ABCC8: variants seen among roughly 807,000 people sequenced by gnomAD.
ABCC8 encodes the protein ATP binding cassette subfamily C member 8.
In ABCC8, 137 loss-of-function variants were observed where a neutral mutation model predicts 188.0. The ratio of observed to expected loss-of-function variants is 0.73; its 90% CI spans 0.63 to 0.84. The LOEUF (loss-of-function observed/expected upper bound fraction) is 0.84. Among genes scored for constraint, ABCC8 ranks in the 40% least tolerant of loss-of-function variants. The pLI is 0.00. For synonymous variants in ABCC8, 797 were observed against 846.5 expected, an observed-to-expected ratio of 0.94 and a Z score of 1.01; for missense variants, 1,750 against 2,072.7, an observed-to-expected ratio of 0.84 and a Z score of 3.02.
At chr11:17,393,860 C>T in intron 37 of ABCC8, 101 bp from the exon 38 acceptor site, 2 of 1,611,006 alleles carry the variant, frequency 1.2e-6, no homozygotes, top group Admixed American at 1.7e-5. Context: ...CAGCTCCCAT[C>T]TGACCCCGAT....
At chr11:17,438,092 C>T (rs549216425) in intron 10 of ABCC8, among the ~76,000 whole-genome samples, 1 of 152,120 alleles carries the variant, frequency 6.6e-6, no homozygotes, top group South Asian at 2.1e-4. Flanking sequence ...CAGAGTGAGA[C>T]TCCATCTCAA....
At position 17,427,139 on chromosome 11, in the gene ABCC8, A is replaced by G. The variant is rs1261024423; in HGVS notation, c.2132T>C (p.Ile711Thr). 6.2e-7 allele frequency: 1 copy of G among 1,613,314 alleles called. No homozygotes were observed. The highest frequency in any genetic ancestry group is 8.5e-7 in the Non-Finnish European group (1 of 1,179,686). ...CTTGCCGCAGCCCACCTGCCCCACG[A>G]TCATAGTCAGCTGGCCTGCAGGGAG... is the stretch of plus-strand genomic sequence containing the variant. The part of the protein sequence containing the change: ...IRIPRGQLTM[I>T]VGQVGCGKSS... The change falls in exon 16 of 39, where the codon ATC becomes ACC. Residue 711 changes from isoleucine to threonine, a missense_variant. Physicochemically the swap from Ile to Thr is moderately conservative, Grantham distance 89. Coordinates refer to ENST00000389817, the MANE Select transcript of ABCC8 (RefSeq NM_000352.6). The surrounding 1 kb of genome is among the most constrained non-coding windows in gnomAD (Gnocchi z 5.0).
At chr11:17,461,210 A>G (rs1035325619) in intron 5 of ABCC8, 7 of 370,006 alleles carry the variant, frequency 1.9e-5, no homozygotes, top group African/African-American at 1.5e-4. Context: ...TCAGGCCACT[A>G]ACACCCCTGC....
At chr11:17,439,241 C>T (rs1165722495) in intron 10 of ABCC8, among the ~76,000 whole-genome samples, 1 of 149,768 alleles carries the variant, frequency 6.7e-6, no homozygotes, top group Non-Finnish European at 1.5e-5. Context: ...TTTTCAGCCC[C>T]CTGTTTTATC....
intron 2 of ABCC8, among the ~76,000 whole-genome samples, chr11:17,473,646 G>A (rs1192385443): frequency 6.6e-6 from 1 of 152,144 alleles, no homozygotes; most frequent in East Asian, 1.9e-4. Context: ...TTCTTCCTTA[G>A]TGAGATGGCT....
Position 17,404,008 on chromosome 11 carries a change from G to A in ABCC8, c.3557+504C>T, listed in dbSNP as rs1954378564. Among the ~76,000 whole-genome samples the A allele has an allele frequency of 6.6e-6, 1 of 152,172 alleles. No homozygotes were observed. The highest frequency in any genetic ancestry group is 2.1e-4 in the South Asian group (1 of 4,820). On this transcript the variant is annotated intron_variant, in intron 28 of 38. Transcript: ENST00000389817. The surrounding 1 kb of genome is among the most constrained non-coding windows in gnomAD (Gnocchi z 4.7). The stretch of plus-strand genomic sequence containing the variant: ...AAAATTTTGAGGAGGAAAGAGGCGT[G>A]CATGGATCCAAAGCTCATGAGGGCA...
chr11:17,401,240 G>A (rs377083993), intron 29 of ABCC8, among the ~76,000 whole-genome samples: 10 of 152,208 alleles, frequency 6.6e-5, no homozygotes, highest in African/African-American at 1.9e-4. Flanking sequence ...TTGAAGGAAC[G>A]GGAGAAGTTC....
At chr11:17,417,343 A>C (rs2074315) in intron 16 of ABCC8, among the ~76,000 whole-genome samples, 51,130 of 151,982 alleles carry the variant, frequency 0.34, 9,699 homozygotes, top group African/African-American at 0.51. Context: ...TTGGGTCTGG[A>C]ATAAGTAGGC....
chr11:17,442,794 C>T lies in ABCC8; in HGVS notation c.1556G>A (p.Arg519His), dbSNP rs772142677. ...CCTGCGGGTCGTCTCCACCCGCGTG[C>T]GGAAGATGTTCTCCCAGGCGTACAG... ...LKLYAWENIF[R>H]TRVETTRRKE... The change falls in exon 10 of 39, where the codon CGC becomes CAC. Residue 519 changes from arginine to histidine, a missense_variant. Transcript: ENST00000389817. 7.4e-6 allele frequency: 12 copies of T among 1,613,974 alleles called. No individual in the cohort carries two copies. Among genetic ancestry groups the T allele is most frequent in the East Asian group, 2.2e-5 (1 of 44,886 alleles).
rs1211729166 is a variant in ABCC8, at chr11:17,404,022, C to A, written c.3557+490G>T. On this transcript the variant is annotated intron_variant, in intron 28 of 38. Coordinates refer to ENST00000389817, the MANE Select transcript of ABCC8 (RefSeq NM_000352.6). This position sits in a 1 kb window ranked among gnomAD's most constrained non-coding sequence, Gnocchi z 4.7. The stretch of plus-strand genomic sequence containing the variant: ...GAAAGAGGCGTGCATGGATCCAAAG[C>A]TCATGAGGGCAAATGTGATCCATGA... Among the ~76,000 whole-genome samples, 5 of 152,172 alleles carry A rather than the reference C, an allele frequency of 3.3e-5. No individual in the cohort carries two copies. In the East Asian group the frequency reaches 9.6e-4, roughly 29 times the overall value.
intron 30 of ABCC8, 66 bp downstream of exon 30, chr11:17,398,273 C>G (rs951841532): frequency 3.2e-6 from 5 of 1,579,920 alleles, no homozygotes; most frequent in Non-Finnish European, 4.3e-6. Flanking sequence ...TCCCCAGGTA[C>G]CTGTGTGCTC....
Position 17,397,772 on chromosome 11 carries a change from A to G in ABCC8, c.3779T>C (p.Leu1260Pro). The G allele has an allele frequency of 6.2e-6, 10 of 1,613,862 alleles. No individual in the cohort carries two copies. Among genetic ancestry groups the G allele is most frequent in the Non-Finnish European group, 8.5e-6 (10 of 1,179,998 alleles). ...RMEYIGACVV[L>P]IAAVTSISNS... ...GGAGATGGAGGTCACCGCTGCGATG[A>G]GCACCACACATGCACCGATGTACTC... The change falls in exon 31 of 39, where the codon CTC becomes CCC. Residue 1260 changes from leucine to proline, a missense_variant. Physicochemically the swap from Leu to Pro is moderately conservative, Grantham distance 98. Transcript: ENST00000389817.
In ABCC8 at chr11:17,464,221, T is replaced by G. The variant is rs375147710; in HGVS notation, c.413-617A>C. On this transcript the variant is annotated intron_variant, in intron 3 of 38. Coordinates refer to ENST00000389817, the MANE Select transcript of ABCC8 (RefSeq NM_000352.6). Reference sequence around the variant, plus strand: ...AGATGAGGAAACTGAGGCCCAGAAATAGGATGTGACCTTGCCCAAGTGCAC... The same window carrying G: ...AGATGAGGAAACTGAGGCCCAGAAAGAGGATGTGACCTTGCCCAAGTGCAC... Among the ~76,000 whole-genome samples the G allele has an allele frequency of 3.6e-4, 55 of 152,280 alleles. No individual in the cohort carries two copies. The Middle Eastern group carries it at 0.014, about 38-fold the overall frequency.
chr11:17,446,115 G>A (rs57156558), intron 8 of ABCC8, among the ~76,000 whole-genome samples: 3,633 of 151,994 alleles, frequency 0.024, 150 homozygotes, highest in African/African-American at 0.084. Flanking sequence ...ACAGGCACAC[G>A]CCATCATGCC....
At chr11:17,472,855 A>G (rs1247177904) in intron 2 of ABCC8, among the ~76,000 whole-genome samples, 1 of 151,950 alleles carries the variant, frequency 6.6e-6, no homozygotes, top group Admixed American at 6.6e-5. Context: ...CCATGCTCGA[A>G]TTTCACCCTC....
rs73423036 is a variant in ABCC8 at position 17,412,644 on chromosome 11, C to T, written c.2556+22G>A. On this transcript the variant is annotated intron_variant, in intron 21 of 38. Coordinates refer to ENST00000389817, the MANE Select transcript of ABCC8 (RefSeq NM_000352.6). ...CCTGGGAGGCAGCCAGAGACCAGGA[C>T]CCCAAGGGAACTTGCACTCACCAAG... 3,147 of 1,604,824 alleles carry T rather than the reference C, an allele frequency of 2.0e-3. 57 individuals are homozygous for T. The African/African-American group carries it at 0.033, about 17-fold the overall frequency.
chr11:17,461,887 C>T, intron 4 of ABCC8, 62 bp from the exon 5 acceptor site: 22 of 1,607,284 alleles, frequency 1.4e-5, no homozygotes, highest in Non-Finnish European at 1.9e-5. Flanking sequence ...CCCTACCTTG[C>T]CCCAGCAAGG....
At chr11:17,466,321 C>A (rs149275896) in intron 3 of ABCC8, among the ~76,000 whole-genome samples, 1,665 of 150,298 alleles carry the variant, frequency 0.011, 19 homozygotes, top group Middle Eastern at 0.041. Context: ...ATCGCTTGAA[C>A]CAGAGAAGCA....
chr11:17,414,760 C>T (rs954244688), intron 18 of ABCC8, 150 bp from the exon 19 acceptor site: 1 of 1,437,502 alleles, frequency 7.0e-7, no homozygotes, highest in Non-Finnish European at 9.3e-7. Context: ...CTCTGGTGGC[C>T]TTGCCTTCCC....
Sources: gnomAD v4.1 joint callset for allele counts (sites outside exome capture counted in the v4.1 genomes callset) on GRCh38, gnomAD v4.1.1 for gene constraint, Gnocchi (gnomAD v3.1) non-coding constraint, MANE v1.5 for transcripts, NCBI Gene and HGNC (gene_info 2026-07-23, HGNC 2026-07-21) for gene names.